The following PHACTR4 variants were observed in gnomAD, a reference collection of about 807,000 sequenced individuals.
The protein encoded by PHACTR4 is protein phosphatase 1, regulatory subunit 124.
PHACTR4 carries 51 observed loss-of-function variants against 72.7 expected under a neutral mutation model. That is an observed-to-expected ratio of 0.70 (90% confidence interval 0.56 to 0.89). The LOEUF is 0.89. PHACTR4 is among the 40% of genes least tolerant of loss of function. PHACTR4 has a pLI of 0.00. For missense variants in PHACTR4, 731 were observed against 861.8 expected (o/e 0.85, Z 1.90); for synonymous variants, 255 against 302.5 (o/e 0.84, Z 1.63).
chr1:28,460,755 C>T (rs926128462), intron 4 of PHACTR4, among the ~76,000 whole-genome samples: 1 of 152,104 alleles, frequency 6.6e-6, no homozygotes, highest in African/African-American at 2.4e-5. Flanking sequence ...GTGATCCGCC[C>T]GCCTTGGCCT....
intron 1 of PHACTR4, among the ~76,000 whole-genome samples, chr1:28,370,611 C>CAAAAA (rs112345135): frequency 1.3e-4 from 17 of 130,208 alleles, no homozygotes; most frequent in African/African-American, 3.3e-4. Flanking sequence ...TGATTGCTTG[C>CAAAAA]AAAAAAAAAA....
At chr1:28,397,163 C>A (rs1216015507) in intron 1 of PHACTR4, among the ~76,000 whole-genome samples, 1 of 152,008 alleles carries the variant, frequency 6.6e-6, no homozygotes, top group African/African-American at 2.4e-5. Context: ...TGTTTTAGAA[C>A]TGAAATGGAG....
chr1:28,472,709 C>T (rs1372465611), intron 6 of PHACTR4, among the ~76,000 whole-genome samples: 2 of 151,568 alleles, frequency 1.3e-5, no homozygotes, highest in Non-Finnish European at 2.9e-5. Context: ...TCAAGAGATT[C>T]TCGTGCCTCA....
At chr1:28,492,544 T>C (rs1661099903) in intron 12 of PHACTR4, among the ~76,000 whole-genome samples, 1 of 151,700 alleles carries the variant, frequency 6.6e-6, no homozygotes, top group African/African-American at 2.4e-5. Flanking sequence ...GGTAGATCTC[T>C]TGAGGTCAGG....
chr1:28,430,179 C>A (rs1168793759), intron 2 of PHACTR4, among the ~76,000 whole-genome samples: 1 of 152,102 alleles, frequency 6.6e-6, no homozygotes, highest in Non-Finnish European at 1.5e-5. Context: ...CCCGCCACCA[C>A]ACCAGGCTAA....
intron 2 of PHACTR4, among the ~76,000 whole-genome samples, chr1:28,436,552 T>C (rs1656649926): frequency 6.6e-6 from 1 of 152,238 alleles, no homozygotes; most frequent in Non-Finnish European, 1.5e-5. Context: ...GTTGTGGTGA[T>C]GATTAAATGC....
chr1:28,444,748 T>C (rs1393481143), intron 2 of PHACTR4, among the ~76,000 whole-genome samples: 2 of 148,496 alleles, frequency 1.3e-5, no homozygotes, highest in Non-Finnish European at 3.0e-5. Context: ...CCCAAGTAGC[T>C]AGGACTACAG....
At chr1:28,433,155 T>A (rs1656389064) in intron 2 of PHACTR4, 7 of 887,528 alleles carry the variant, frequency 7.9e-6, no homozygotes, top group Non-Finnish European at 9.4e-6. Flanking sequence ...AAAAAGGGAG[T>A]ATCTTATTAG....
intron 1 of PHACTR4, among the ~76,000 whole-genome samples, chr1:28,400,772 G>A (rs1653885654): frequency 1.3e-5 from 2 of 152,056 alleles, no homozygotes; most frequent in Non-Finnish European, 2.9e-5. Flanking sequence ...TAGAGACGGG[G>A]TTTCCCTATG....
intron 1 of PHACTR4, among the ~76,000 whole-genome samples, chr1:28,370,605 T>A (rs1017645148): frequency 6.4e-5 from 5 of 77,752 alleles, no homozygotes; most frequent in African/African-American, 1.5e-4. Context: ...CATCACTGAT[T>A]GCTTGCAAAA....
At chr1:28,430,840 A>G (rs1322714784) in intron 2 of PHACTR4, among the ~76,000 whole-genome samples, 1 of 152,166 alleles carries the variant, frequency 6.6e-6, no homozygotes, top group African/African-American at 2.4e-5. Flanking sequence ...AAATACATTT[A>G]ATTTAAAGCA....
intron 1 of PHACTR4, among the ~76,000 whole-genome samples, chr1:28,405,418 C>G (rs1411784117): frequency 1.3e-5 from 2 of 152,010 alleles, no homozygotes; most frequent in East Asian, 3.9e-4. Context: ...CCTCCGACTC[C>G]CAGGTTCAAG....
intron 11 of PHACTR4, 76 bp from the exon 12 acceptor site, chr1:28,491,574 G>A (rs1661038868): frequency 6.3e-7 from 1 of 1,592,916 alleles, no homozygotes; most frequent in Non-Finnish European, 8.6e-7. Context: ...TTGAAGCACT[G>A]GGTTAGAGGC....
At chr1:28,485,968 G>A (rs1395025728) in intron 9 of PHACTR4, among the ~76,000 whole-genome samples, 2 of 152,030 alleles carry the variant, frequency 1.3e-5, no homozygotes, top group East Asian at 3.9e-4. Flanking sequence ...CTCATAGTAA[G>A]TGTTATCACT....
intron 1 of PHACTR4, among the ~76,000 whole-genome samples, chr1:28,404,029 T>C (rs1654128648): frequency 6.6e-6 from 1 of 152,214 alleles, no homozygotes; most frequent in Non-Finnish European, 1.5e-5. Context: ...TGAACATTTG[T>C]ATACAAGTTT....
intron 2 of PHACTR4, among the ~76,000 whole-genome samples, chr1:28,452,196 A>G (rs1319420550): frequency 6.6e-6 from 1 of 152,080 alleles, no homozygotes; most frequent in African/African-American, 2.4e-5. Flanking sequence ...GAGATTTACA[A>G]CAATTTGAAA....
intron 2 of PHACTR4, among the ~76,000 whole-genome samples, chr1:28,433,938 G>A (rs1021468291): frequency 2.0e-5 from 3 of 151,678 alleles, no homozygotes; most frequent in Non-Finnish European, 2.9e-5. Context: ...CCGCCACCAC[G>A]CCCGGCTAAT....
intron 2 of PHACTR4, among the ~76,000 whole-genome samples, chr1:28,447,002 TTTTA>T (rs760091619): frequency 2.0e-5 from 3 of 150,596 alleles, no homozygotes; most frequent in Non-Finnish European, 4.4e-5. Flanking sequence ...AGGTATTTCT[TTTTA>T]TTTATTTATT....
Position 28,451,337 on chromosome 1 carries a change from G to T in PHACTR4, c.17-7748G>T, listed in dbSNP as rs376031216. ...CTAAGCATTGCAATTGAATCCTCCT[G>T]TCAAACAGAAATTCATACTAAGAAG... On this transcript the variant is annotated intron_variant, in intron 2 of 13. Coordinates refer to ENST00000373839, the MANE Select transcript of PHACTR4 (RefSeq NM_001048183.3). 4.0e-5 allele frequency among the ~76,000 whole-genome samples: 6 copies of T among 150,856 alleles called. No individual in the cohort carries two copies. The East Asian group carries it at 7.7e-4, about 19-fold the overall frequency.
Sources: gnomAD v4.1 joint callset for allele counts (sites outside exome capture counted in the v4.1 genomes callset) on GRCh38, gnomAD v4.1.1 for gene constraint, MANE v1.5 for transcripts, NCBI Gene and HGNC (gene_info 2026-07-23, HGNC 2026-07-21) for gene names.